The following SERPINB9 variants were observed in gnomAD, a reference collection of about 807,000 sequenced individuals.
SERPINB9 encodes serpin B9.
Under a neutral mutation model 27.2 loss-of-function variants are expected in SERPINB9, and 20 were observed. That is an observed-to-expected ratio of 0.74 (90% CI 0.52 to 1.07). The LOEUF (loss-of-function observed/expected upper bound fraction) is 1.07. SERPINB9 is among the 50% of genes least tolerant of loss of function. The pLI is 0.00. For synonymous variants in SERPINB9, 189 were observed against 180.0 expected (o/e 1.05, Z -0.40); for missense variants, 476 against 460.1 (o/e 1.03, Z -0.32).
Position 2,890,680 on chromosome 6 carries a change from A to G in SERPINB9, c.724-110T>C. 4.7e-6 allele frequency: 5 copies of G among 1,072,876 alleles called. No individual in the cohort carries two copies. In the South Asian group the frequency reaches 6.2e-5, roughly 13 times the overall value. 66.5% of individuals were successfully genotyped at this position (1,072,876 alleles called of 1,614,324 possible). ...TTGCACGTAGGTGTTGTTTGTTCAC[A>G]TAGGATCAGTGGCCCCTTCATCTGC... On this transcript the variant is annotated intron_variant, in intron 6 of 6. Coordinates refer to ENST00000380698, the MANE Select transcript of SERPINB9 (RefSeq NM_004155.6). The surrounding 1 kb of genome is among the most constrained non-coding windows in gnomAD (Gnocchi z 6.2).
At position 2,889,549 on chromosome 6, in the gene SERPINB9, G is replaced by T. The variant is rs1334021435; in HGVS notation, c.*614C>A. ...TCTCTACTAAAAATACAAAAAATTA[G>T]CCGGGCGTGGTGGCGGGCGCCTGTA... On this transcript the variant is annotated 3_prime_UTR_variant, in exon 7 of 7. Transcript: ENST00000380698. The T allele has an allele frequency of 6.6e-6, 1 of 151,476 alleles. No homozygotes were observed. The highest frequency in any genetic ancestry group is 2.4e-5 in the African/African-American group (1 of 40,970). 9.4% of individuals were successfully genotyped at this position (151,476 alleles called of 1,614,324 possible). A position where few individuals can be genotyped will look rare whatever the true frequency, so the allele number is the denominator to read the frequency against.
Position 2,890,536 on chromosome 6 carries a change from G to A in SERPINB9, c.758C>T (p.Ala253Val), listed in dbSNP as rs541873694. 99 of 1,610,150 alleles carry A rather than the reference G, an allele frequency of 6.1e-5. No homozygotes were observed. The highest frequency in any genetic ancestry group is 8.3e-5 in the Non-Finnish European group (98 of 1,176,982). ...CTTCATACAGTCTGGCTTGGTCCAG[G>A]CTGTGAGTTTCTCAAAAGTGAGACT... ...EKSLTFEKLTAWTKPDCMKST... is the reference protein window; with the variant it reads ...EKSLTFEKLTVWTKPDCMKST... The change falls in exon 7 of 7, where the codon GCC becomes GTC. Residue 253 changes from alanine (A) to valine (V), a missense_variant. Transcript: ENST00000380698. The surrounding 1 kb of genome is among the most constrained non-coding windows in gnomAD (Gnocchi z 6.2).
intron 2 of SERPINB9, among the ~76,000 whole-genome samples, chr6:2,897,175 A>G (rs1768029747): frequency 6.6e-6 from 1 of 151,712 alleles, no homozygotes; most frequent in Non-Finnish European, 1.5e-5. Flanking sequence ...TATTTAAAAT[A>G]TTCTTCTAGG....
At chr6:2,893,652 C>A in intron 4 of SERPINB9, 99 bp from the exon 5 acceptor site, 1 of 1,110,826 alleles carries the variant, frequency 9.0e-7, no homozygotes. Context: ...CTTCTGTTTT[C>A]AACTTTGCTG....
At chr6:2,901,350 T>C (rs1227124614) in intron 1 of SERPINB9, among the ~76,000 whole-genome samples, 1 of 152,214 alleles carries the variant, frequency 6.6e-6, no homozygotes. Context: ...GTGGTTTTGC[T>C]TCGTTTTGTT....
In SERPINB9 at chr6:2,903,238, G is replaced by C. The variant is rs1417770917; in HGVS notation, c.-48C>G. The stretch of plus-strand genomic sequence containing the variant: ...CCAGCGCTGCCGCCGTCTCCGTGCC[G>C]CGCTCCGAGCCTGGACGCCGACCCC... On this transcript the variant is annotated 5_prime_UTR_variant, in exon 1 of 7. Transcript: ENST00000380698. The surrounding 1 kb of genome is among the most constrained non-coding windows in gnomAD (Gnocchi z 5.2). The C allele has an allele frequency of 6.7e-6, 1 of 148,216 alleles. No individual in the cohort carries two copies. The highest frequency in any genetic ancestry group is 1.5e-5 in the Non-Finnish European group (1 of 65,318). 9.2% of individuals were successfully genotyped at this position (148,216 alleles called of 1,614,324 possible).
intron 1 of SERPINB9, among the ~76,000 whole-genome samples, chr6:2,901,836 A>G (rs1395298674): frequency 3.3e-5 from 5 of 151,640 alleles, no homozygotes; most frequent in Admixed American, 6.6e-5. Context: ...GTCTCCCTAG[A>G]GCCACTCCCC....
At chr6:2,893,614 G>T in intron 4 of SERPINB9, 61 bp from the exon 5 acceptor site, 1 of 1,402,180 alleles carries the variant, frequency 7.1e-7, no homozygotes, top group Non-Finnish European at 9.8e-7. Flanking sequence ...TGCATTGGAT[G>T]ATCCTGGATC....
At position 2,891,264 on chromosome 6, in the gene SERPINB9, T is replaced by G. The variant is rs1336417337; in HGVS notation, c.723+569A>C. 6.6e-6 allele frequency among the ~76,000 whole-genome samples: 1 copy of G among 152,170 alleles called. No homozygotes were observed. The highest frequency in any genetic ancestry group is 1.9e-4 in the East Asian group (1 of 5,194). ...TGGTCCCACCCTCTGAGAACTGGACTTCACACCTCCCTGGATGCCCCCTCC... is the reference window on the plus strand; with the variant it reads ...TGGTCCCACCCTCTGAGAACTGGACGTCACACCTCCCTGGATGCCCCCTCC... On this transcript the variant is annotated intron_variant, in intron 6 of 6. Coordinates refer to ENST00000380698, the MANE Select transcript of SERPINB9 (RefSeq NM_004155.6). This position sits in a 1 kb window ranked among gnomAD's most constrained non-coding sequence, Gnocchi z 4.0.
At chr6:2,900,942 C>T (rs527530450) in intron 1 of SERPINB9, among the ~76,000 whole-genome samples, 5 of 146,818 alleles carry the variant, frequency 3.4e-5, no homozygotes, top group African/African-American at 1.0e-4. Context: ...CAATTCTTTC[C>T]GTAAGGACCA....
rs1317685828 is a variant in SERPINB9, at chr6:2,894,755, T to C, written c.424+636A>G. Among the ~76,000 whole-genome samples, 2 of 152,212 alleles carry C rather than the reference T, an allele frequency of 1.3e-5. No individual in the cohort carries two copies. The highest frequency in any genetic ancestry group is 1.9e-4 in the East Asian group (1 of 5,178). The stretch of plus-strand genomic sequence containing the variant: ...AACCTGGCCTGAGATTCTTTTGACA[T>C]TTGTTTTTTTGTTTGTTTTTTGTTT... On this transcript the variant is annotated intron_variant, in intron 4 of 6. Transcript: ENST00000380698. The surrounding 1 kb of genome is among the most constrained non-coding windows in gnomAD (Gnocchi z 4.7).
At chr6:2,898,583 C>G (rs567254766) in intron 2 of SERPINB9, among the ~76,000 whole-genome samples, 2 of 152,284 alleles carry the variant, frequency 1.3e-5, no homozygotes, top group East Asian at 3.9e-4. Context: ...TTTGGGAGGC[C>G]AAGGCGGGTG....
At chr6:2,895,144 G>A (rs1028174695) in intron 4 of SERPINB9, among the ~76,000 whole-genome samples, 3 of 152,200 alleles carry the variant, frequency 2.0e-5, no homozygotes, top group African/African-American at 4.8e-5. Context: ...TGTCTGATCA[G>A]AACCTTTATG....
chr6:2,900,461 C>G lies in SERPINB9; in HGVS notation c.151G>C (p.Ala51Pro). ...MVLLGAKGNT[A>P]TQMAQALSLN... ...AAGCTTACCTGGGCCATCTGGGTTG[C>G]GGTGTTTCCCTTTGCCCCTAGGAGA... The change falls in exon 2 of 7, where the codon GCA becomes CCA. Residue 51 changes from alanine (A) to proline (P), a missense_variant. By Grantham distance (27) the Ala-to-Pro change is conservative. Transcript: ENST00000380698. The G allele has an allele frequency of 6.2e-7, 1 of 1,613,978 alleles. No homozygotes were observed. Among genetic ancestry groups the G allele is most frequent in the Non-Finnish European group, 8.5e-7 (1 of 1,179,992 alleles).
intron 1 of SERPINB9, among the ~76,000 whole-genome samples, chr6:2,901,721 C>G (rs1427198488): frequency 1.3e-5 from 2 of 152,158 alleles, no homozygotes; most frequent in East Asian, 3.9e-4. Flanking sequence ...CCATCTCCCC[C>G]TCCTCCCCCA....
chr6:2,898,661 A>C (rs529629613), intron 2 of SERPINB9, among the ~76,000 whole-genome samples: 2 of 152,210 alleles, frequency 1.3e-5, no homozygotes. Flanking sequence ...ACTAAAAATA[A>C]AAATTAGCTG....
At chr6:2,893,164 T>A (rs994103034) in intron 5 of SERPINB9, among the ~76,000 whole-genome samples, 3 of 47,338 alleles carry the variant, frequency 6.3e-5, no homozygotes, top group Non-Finnish European at 9.5e-5. Context: ...TCAAAGGCAG[T>A]TAAGAGCAGT....
intron 2 of SERPINB9, among the ~76,000 whole-genome samples, chr6:2,898,544 G>A (rs949197528): frequency 9.2e-5 from 14 of 152,310 alleles, no homozygotes; most frequent in Non-Finnish European, 1.3e-4. Context: ...AGGGCCGGGC[G>A]CAGTGGCTCA....
At position 2,888,811 on chromosome 6, in the gene SERPINB9, A is replaced by G. The variant is rs1447533112; in HGVS notation, c.*1352T>C. 1 of 152,180 alleles carries G rather than the reference A, an allele frequency of 6.6e-6. No homozygotes were observed. The highest frequency in any genetic ancestry group is 1.9e-4 in the East Asian group (1 of 5,198). The allele number at this position is 152,180 out of a possible 1,614,324, so 9.4% of individuals were successfully genotyped here. ...TAAGTGGCACTGAACTTCTCACTTT[A>G]AAATAGTTAATTTTATGTTATGTGA... On this transcript the variant is annotated 3_prime_UTR_variant, in exon 7 of 7. Coordinates refer to ENST00000380698, the MANE Select transcript of SERPINB9 (RefSeq NM_004155.6).
Sources: allele counts gnomAD v4.1 joint callset (sites outside exome capture counted in the v4.1 genomes callset), GRCh38; gene constraint gnomAD v4.1.1; non-coding constraint Gnocchi (gnomAD v3.1); transcripts MANE v1.5; gene names NCBI Gene and HGNC (gene_info 2026-07-23, HGNC 2026-07-21).